LRRFIP2: variants seen among roughly 807,000 people sequenced by gnomAD.
The protein encoded by LRRFIP2 is leucine-rich repeat flightless-interacting protein 2.
A neutral mutation model predicts 125.9 loss-of-function variants in LRRFIP2; 109 were observed. That is an observed-to-expected ratio of 0.87 (90% CI 0.74 to 1.01). The LOEUF (loss-of-function observed/expected upper bound fraction) is 1.01. Among genes scored for constraint, LRRFIP2 ranks in the 50% least tolerant of loss-of-function variants. The pLI is 0.00. For missense variants in LRRFIP2, 850 were observed against 862.3 expected (o/e 0.99, Z 0.18); for synonymous variants, 291 against 293.1 (o/e 0.99, Z 0.07).
intron 1 of LRRFIP2, among the ~76,000 whole-genome samples, chr3:37,150,482 A>T (rs1221426550): frequency 6.6e-6 from 1 of 152,104 alleles, no homozygotes; most frequent in Non-Finnish European, 1.5e-5. Flanking sequence ...AAAAAAGAAT[A>T]TATCTATGAA....
At chr3:37,169,829 T>C (rs1201736708) in intron 1 of LRRFIP2, among the ~76,000 whole-genome samples, 1 of 152,158 alleles carries the variant, frequency 6.6e-6, no homozygotes, top group East Asian at 1.9e-4. Context: ...AAAAAGATAA[T>C]CCATGATTCT....
At position 37,060,661 on chromosome 3, in the gene LRRFIP2, T is replaced by C. The variant is rs149953001; in HGVS notation, c.1750-1751A>G. ...ACTGAATCTAGAAATGGAATAGGTG[T>C]CCTCTTGCTTTCCTTGCTGGTATTT... On this transcript the variant is annotated intron_variant, in intron 24 of 27. Coordinates refer to ENST00000336686, the MANE Select transcript of LRRFIP2 (RefSeq NM_006309.4). This position sits in a 1 kb window ranked among gnomAD's most constrained non-coding sequence, Gnocchi z 4.1. Among the ~76,000 whole-genome samples, 1 of 151,990 alleles carries C rather than the reference T, an allele frequency of 6.6e-6. No individual in the cohort carries two copies. The highest frequency in any genetic ancestry group is 1.5e-5 in the Non-Finnish European group (1 of 67,944).
intron 15 of LRRFIP2, among the ~76,000 whole-genome samples, chr3:37,101,961 T>G (rs1230499069): frequency 1.3e-5 from 2 of 152,192 alleles, no homozygotes; most frequent in East Asian, 1.9e-4. Flanking sequence ...TAGGCACACT[T>G]CTTCAGAACA....
At chr3:37,132,332 T>C (rs2095447919) in intron 2 of LRRFIP2, among the ~76,000 whole-genome samples, 1 of 152,250 alleles carries the variant, frequency 6.6e-6, no homozygotes, top group African/African-American at 2.4e-5. Context: ...ATGCTAATTT[T>C]ATCCTTCTAA....
intron 9 of LRRFIP2, 88 bp from the exon 10 acceptor site, chr3:37,109,791 T>G: frequency 8.8e-7 from 1 of 1,136,240 alleles, no homozygotes; most frequent in Non-Finnish European, 1.3e-6. Flanking sequence ...CTTAAGTTTA[T>G]GATTTTATAC....
chr3:37,083,985 G>A (rs898586201), intron 18 of LRRFIP2, among the ~76,000 whole-genome samples, 179 bp from the exon 19 acceptor site: 2 of 152,130 alleles, frequency 1.3e-5, no homozygotes, highest in African/African-American at 2.4e-5. Context: ...ATAATAAGCC[G>A]ATAATGCCTT....
rs183491800 is a variant in LRRFIP2 at position 37,145,364 on chromosome 3, G to A, written c.90+3530C>T. On this transcript the variant is annotated intron_variant, in intron 2 of 27. Transcript: ENST00000336686. The stretch of plus-strand genomic sequence containing the variant: ...ACAGTATACAAAAAGTAAAACTTTG[G>A]ATCTGCAATGATACATTTAACCAAA... 3.9e-5 allele frequency among the ~76,000 whole-genome samples: 6 copies of A among 152,262 alleles called. No individual in the cohort carries two copies. The East Asian group carries it at 9.6e-4, about 24-fold the overall frequency.
At chr3:37,067,678 T>C (rs1332445895) in intron 21 of LRRFIP2, 1 of 152,246 alleles carries the variant, frequency 6.6e-6, no homozygotes, top group Non-Finnish European at 1.5e-5. Context: ...ACAAATTATA[T>C]GGCAGGCACT....
chr3:37,105,784 G>C (rs1341978596), intron 13 of LRRFIP2, among the ~76,000 whole-genome samples: 1 of 152,122 alleles, frequency 6.6e-6, no homozygotes, highest in Non-Finnish European at 1.5e-5. Context: ...ATTAAAGAAA[G>C]CCAGGAGCGG....
At position 37,096,678 on chromosome 3, in the gene LRRFIP2, T is replaced by G. The variant is rs377436367; in HGVS notation, c.874-18A>C. 3 of 1,483,772 alleles carry G rather than the reference T, an allele frequency of 2.0e-6. No homozygotes were observed. The highest frequency in any genetic ancestry group is 2.8e-5 in the African/African-American group (2 of 70,920). 91.9% of individuals were successfully genotyped at this position (1,483,772 alleles called of 1,614,324 possible). A position where few individuals can be genotyped will look rare whatever the true frequency, so the allele number is the denominator to read the frequency against. ...TCATCCAACTAGAAAAGAACAAAGA[T>G]AAAAATCAGTAAAGATGCTTAGCAA... On this transcript the variant is annotated intron_variant, in intron 15 of 27. Coordinates refer to ENST00000336686, the MANE Select transcript of LRRFIP2 (RefSeq NM_006309.4).
At chr3:37,127,811 A>C in intron 3 of LRRFIP2, 131 bp from the exon 4 acceptor site, 2 of 692,236 alleles carry the variant, frequency 2.9e-6, no homozygotes, top group South Asian at 1.7e-5. Context: ...TTCAAAATAC[A>C]GAAAATTAGT....
At chr3:37,104,391 G>T (rs1241346579) in intron 14 of LRRFIP2, among the ~76,000 whole-genome samples, 2 of 152,106 alleles carry the variant, frequency 1.3e-5, no homozygotes, top group African/African-American at 4.8e-5. Flanking sequence ...AGGTGTTGTG[G>T]CATATTATTT....
intron 15 of LRRFIP2, among the ~76,000 whole-genome samples, chr3:37,101,405 CTGTA>C (rs1368724339): frequency 6.6e-6 from 1 of 150,798 alleles, no homozygotes; most frequent in East Asian, 1.9e-4. Flanking sequence ...TGGCTCATGC[CTGTA>C]ATCCCAACAC....
chr3:37,159,988 G>GA (rs2096291296), intron 1 of LRRFIP2, among the ~76,000 whole-genome samples: 1 of 41,038 alleles, frequency 2.4e-5, no homozygotes, highest in Non-Finnish European at 4.1e-5. Context: ...AGCCCTATGC[G>GA]CAAAAAAAAA....
chr3:37,069,691 T>C (rs1452867987), intron 21 of LRRFIP2, among the ~76,000 whole-genome samples: 1 of 152,198 alleles, frequency 6.6e-6, no homozygotes, highest in African/African-American at 2.4e-5. Context: ...CACTTAAAAA[T>C]AGTTAAAATG....
chr3:37,091,693 GA>G (rs1485737470), intron 17 of LRRFIP2, among the ~76,000 whole-genome samples, 155 bp from the exon 18 acceptor site: 1 of 152,180 alleles, frequency 6.6e-6, no homozygotes, highest in Non-Finnish European at 1.5e-5. Flanking sequence ...CCCAACCACT[GA>G]AAAGGGCAAA....
rs763597893 is a variant in LRRFIP2 at position 37,129,069 on chromosome 3, T to C, written c.171A>G (p.Gln57=). ...DIRMRELERQ[Q]KEYSLHSFDR... is the part of the protein sequence containing the mutation. ...GGTTATTCCCTCAAATTACCTCTTT[T>C]TGTTGTCGTTCCAGTTCTCTCATGC... Residue 57 remains glutamine (Q), a synonymous_variant, in exon 3 of 28, where the codon CAA becomes CAG. Coordinates refer to ENST00000336686, the MANE Select transcript of LRRFIP2 (RefSeq NM_006309.4). 3 of 1,614,126 alleles carry C rather than the reference T, an allele frequency of 1.9e-6. No homozygotes were observed. Among genetic ancestry groups the C allele is most frequent in the East Asian group, 2.2e-5 (1 of 44,874 alleles).
At chr3:37,099,046 A>C (rs2093882036) in intron 15 of LRRFIP2, among the ~76,000 whole-genome samples, 1 of 152,202 alleles carries the variant, frequency 6.6e-6, no homozygotes, top group Non-Finnish European at 1.5e-5. Context: ...ATCCATCACA[A>C]TGTTGACTCT....
At chr3:37,089,639 A>T (rs2093312231) in intron 18 of LRRFIP2, among the ~76,000 whole-genome samples, 1 of 152,176 alleles carries the variant, frequency 6.6e-6, no homozygotes, top group African/African-American at 2.4e-5. Flanking sequence ...TCTCAAATCT[A>T]ATCTGTTCTT....
Sources: gnomAD v4.1 joint callset for allele counts (sites outside exome capture counted in the v4.1 genomes callset) on GRCh38, gnomAD v4.1.1 for gene constraint, Gnocchi (gnomAD v3.1) non-coding constraint, MANE v1.5 for transcripts, NCBI Gene and HGNC (gene_info 2026-07-23, HGNC 2026-07-21) for gene names.